Variants in SORL1 observed in about 807,000 individuals in gnomAD.
SORL1 encodes the protein sortilin related receptor 1.
In SORL1, 127 loss-of-function variants were observed where a neutral mutation model predicts 273.7. The ratio of observed to expected loss-of-function variants is 0.46; its 90% CI spans 0.40 to 0.54. The LOEUF (loss-of-function observed/expected upper bound fraction) is 0.54. Ranked by LOEUF, SORL1 falls within the 20% of genes least tolerant of loss-of-function variation. The pLI is 0.00. For missense variants in SORL1, 2,494 were observed against 2,846.1 expected (o/e 0.88, Z 2.81); for synonymous variants, 1,031 against 1,067.4 (o/e 0.97, Z 0.66).
chr11:121,528,060 T>C (rs1862148093), intron 11 of SORL1, among the ~76,000 whole-genome samples: 1 of 152,234 alleles, frequency 6.6e-6, no homozygotes, highest in African/African-American at 2.4e-5. Flanking sequence ...TCTTTTCTAA[T>C]GTAAGCATTT....
At chr11:121,479,618 T>G (rs1213440981) in intron 3 of SORL1, among the ~76,000 whole-genome samples, 16 of 152,126 alleles carry the variant, frequency 1.1e-4, no homozygotes, top group Admixed American at 1.0e-3. Flanking sequence ...CATTAACTTT[T>G]GAGTTGCTGA....
At chr11:121,622,055 C>A in intron 44 of SORL1, 107 bp from the exon 45 acceptor site, 1 of 671,108 alleles carries the variant, frequency 1.5e-6, no homozygotes, top group Non-Finnish European at 2.6e-6. Flanking sequence ...TTTTCTGTAA[C>A]CCAGCCCTCC....
At chr11:121,468,973 T>C (rs868708180) in intron 1 of SORL1, among the ~76,000 whole-genome samples, 1 of 152,258 alleles carries the variant, frequency 6.6e-6, no homozygotes, top group Admixed American at 6.5e-5. Context: ...GTGGTCATAT[T>C]GCCCTGTAAG....
At chr11:121,580,719 C>T (rs1329338268) in intron 25 of SORL1, among the ~76,000 whole-genome samples, 1 of 151,686 alleles carries the variant, frequency 6.6e-6, no homozygotes, top group Non-Finnish European at 1.5e-5. Flanking sequence ...ATCTTCCCGC[C>T]TTAGCCTCTT....
At chr11:121,557,512 G>C (rs925157012) in intron 19 of SORL1, 107 bp downstream of exon 19, 2 of 854,706 alleles carry the variant, frequency 2.3e-6, no homozygotes, top group Admixed American at 4.0e-5. Flanking sequence ...CATGATGGTG[G>C]TTGAAATGGT....
At chr11:121,582,565 C>T (rs972433834) in intron 25 of SORL1, among the ~76,000 whole-genome samples, 6 of 152,206 alleles carry the variant, frequency 3.9e-5, no homozygotes, top group Non-Finnish European at 7.3e-5. Flanking sequence ...GCACATATTA[C>T]GCATTTGAAC....
chr11:121,501,474 T>A (rs992798236), intron 6 of SORL1, among the ~76,000 whole-genome samples: 4 of 152,188 alleles, frequency 2.6e-5, no homozygotes, highest in African/African-American at 9.7e-5. Flanking sequence ...ATTTGTGACT[T>A]TATTAGTCCA....
chr11:121,576,952 C>T, intron 24 of SORL1: 1 of 1,529,154 alleles, frequency 6.5e-7, no homozygotes, highest in African/African-American at 1.4e-5. Context: ...TCACTGCTTC[C>T]TAACCTTCTT....
chr11:121,459,390 G>A (rs1256635153), intron 1 of SORL1, among the ~76,000 whole-genome samples: 1 of 152,188 alleles, frequency 6.6e-6, no homozygotes, highest in Non-Finnish European at 1.5e-5. Flanking sequence ...AAGCAAGAGT[G>A]GAGGGCTTGG....
intron 1 of SORL1, among the ~76,000 whole-genome samples, chr11:121,461,011 G>A (rs1045040115): frequency 1.1e-4 from 17 of 152,140 alleles, no homozygotes; most frequent in African/African-American, 4.1e-4. Context: ...AGATGGCAGG[G>A]AGTGGGGACA....
intron 7 of SORL1, 76 bp downstream of exon 7, chr11:121,513,180 G>T: frequency 1.8e-6 from 2 of 1,087,012 alleles, no homozygotes; most frequent in Non-Finnish European, 2.9e-6. Flanking sequence ...TTGTTGCAGG[G>T]ATGGCCTGCT....
At position 121,559,394 on chromosome 11, in the gene SORL1, T is replaced by C. The variant is rs11607597; in HGVS notation, c.2911-125T>C. 3,883 of 984,194 alleles carry C rather than the reference T, an allele frequency of 3.9e-3. 107 individuals are homozygous for C. The African/African-American group carries it at 0.057, about 14-fold the overall frequency. The allele number at this position is 984,194 out of a possible 1,614,324, so 61.0% of individuals were successfully genotyped here. On this transcript the variant is annotated intron_variant, in intron 20 of 47. Transcript: ENST00000260197. Reference sequence around the variant, plus strand: ...TGTCCTTTGCATTTAAGTAGAATCTTGATCAGGCTAGTCATTCAGCCAATA... The same window carrying C: ...TGTCCTTTGCATTTAAGTAGAATCTCGATCAGGCTAGTCATTCAGCCAATA...
At chr11:121,617,587 G>C (rs962514096) in intron 41 of SORL1, among the ~76,000 whole-genome samples, 1 of 152,100 alleles carries the variant, frequency 6.6e-6, no homozygotes, top group Non-Finnish European at 1.5e-5. Flanking sequence ...GTGGATCCCC[G>C]CTCAGTTCCT....
chr11:121,482,484 C>A (rs1379699119), intron 3 of SORL1, among the ~76,000 whole-genome samples: 1 of 152,242 alleles, frequency 6.6e-6, no homozygotes, highest in East Asian at 1.9e-4. Flanking sequence ...GGGCAGCATT[C>A]TCTGTAGATA....
At chr11:121,502,531 G>GT (rs1254254171) in intron 6 of SORL1, among the ~76,000 whole-genome samples, 5 of 152,180 alleles carry the variant, frequency 3.3e-5, no homozygotes, top group African/African-American at 9.6e-5. Flanking sequence ...TTAGGGTGTA[G>GT]TTTTCCCATA....
Position 121,625,278 on chromosome 11 carries a change from G to A in SORL1, c.6364+1G>A. 1 of 1,605,758 alleles carries A rather than the reference G, an allele frequency of 6.2e-7. No homozygotes were observed. The highest frequency in any genetic ancestry group is 8.5e-7 in the Non-Finnish European group (1 of 1,175,418). On this transcript the variant is annotated splice_donor_variant, in intron 46 of 47. Coordinates refer to ENST00000260197, the MANE Select transcript of SORL1 (RefSeq NM_003105.6). LOFTEE classifies it high-confidence loss of function. ...CTGCTGTACGATGAGCTGGGGTCTG[G>A]TGAGTTGCGATTGCTGCCCGTTTCT...
At chr11:121,484,531 A>G (rs190868183) in intron 3 of SORL1, among the ~76,000 whole-genome samples, 3 of 152,202 alleles carry the variant, frequency 2.0e-5, no homozygotes, top group East Asian at 1.9e-4. Context: ...GTAAAAACCC[A>G]TCTCTGCTTG....
chr11:121,569,905 G>A (rs1371034196), intron 22 of SORL1, among the ~76,000 whole-genome samples: 2 of 152,096 alleles, frequency 1.3e-5, no homozygotes, highest in Admixed American at 6.5e-5. Context: ...GACATGTGAT[G>A]TCTCCCCAGA....
chr11:121,511,307 G>A (rs1447818900), intron 6 of SORL1, among the ~76,000 whole-genome samples: 1 of 151,872 alleles, frequency 6.6e-6, no homozygotes, highest in African/African-American at 2.4e-5. Flanking sequence ...ACTAATGATG[G>A]GCCTGGGTGT....
Sources: gnomAD v4.1 joint callset for allele counts (sites outside exome capture counted in the v4.1 genomes callset) on GRCh38, gnomAD v4.1.1 for gene constraint, MANE v1.5 for transcripts, NCBI Gene and HGNC (gene_info 2026-07-23, HGNC 2026-07-21) for gene names.